Variants in ALCAM observed in about 807,000 individuals in gnomAD.
The protein encoded by ALCAM is activated leukocyte cell adhesion molecule, also known as CD166 antigen.
In ALCAM, 30 loss-of-function variants were observed where a neutral mutation model predicts 70.9. The observed-to-expected ratio is 0.42, with a 90% confidence interval of 0.32 to 0.57. The LOEUF (loss-of-function observed/expected upper bound fraction) is 0.57. Among genes scored for constraint, ALCAM ranks in the 20% least tolerant of loss-of-function variants. The probability of loss-of-function intolerance (pLI) is 0.11; values close to 1 mark genes in which losing one functional copy is unlikely to be tolerated. For synonymous variants in ALCAM, 249 were observed against 242.5 expected, an observed-to-expected ratio of 1.03 and a Z score of -0.25; for missense variants, 591 against 695.1, an observed-to-expected ratio of 0.85 and a Z score of 1.68.
chr3:105,401,505 T>G (rs914700966), intron 1 of ALCAM, among the ~76,000 whole-genome samples: 2 of 152,200 alleles, frequency 1.3e-5, no homozygotes, highest in African/African-American at 4.8e-5. Flanking sequence ...GTTTATTCAT[T>G]CATTCATCCA....
intron 1 of ALCAM, among the ~76,000 whole-genome samples, chr3:105,517,634 T>A (rs996285412): frequency 6.6e-6 from 1 of 152,158 alleles, no homozygotes; most frequent in Non-Finnish European, 1.5e-5. Flanking sequence ...GAAAATGTTC[T>A]CTCTTGTCAT....
At chr3:105,385,231 C>A (rs781741342) in intron 1 of ALCAM, among the ~76,000 whole-genome samples, 3 of 151,292 alleles carry the variant, frequency 2.0e-5, no homozygotes, top group Non-Finnish European at 3.0e-5. Context: ...TATTAACAAG[C>A]CTTATTTTAG....
intron 1 of ALCAM, among the ~76,000 whole-genome samples, chr3:105,437,893 G>C (rs1375035910): frequency 6.6e-6 from 1 of 151,928 alleles, no homozygotes; most frequent in Admixed American, 6.5e-5. Context: ...TTTTATAGTA[G>C]GAAAATGTAT....
intron 1 of ALCAM, among the ~76,000 whole-genome samples, chr3:105,502,496 T>G (rs1938948895): frequency 6.6e-6 from 1 of 151,914 alleles, no homozygotes; most frequent in Non-Finnish European, 1.5e-5. Flanking sequence ...GAAAAGCAAA[T>G]GAATGGTGAA....
Position 105,533,623 on chromosome 3 carries a change from A to G in ALCAM, c.480A>G (p.Glu160=). ...TGCAGTTGGGTGACTGCATTTCAGA[A>G]GACAGTTATCCAGATGGCAATATCA... ...QLKKLGDCIS[E]DSYPDGNITW... The change falls in exon 5 of 16, where the codon GAA becomes GAG. Residue 160 remains glutamate (E), a synonymous_variant. Transcript: ENST00000306107. 1 of 1,611,884 alleles carries G rather than the reference A, an allele frequency of 6.2e-7. No individual in the cohort carries two copies. The highest frequency in any genetic ancestry group is 8.5e-7 in the Non-Finnish European group (1 of 1,178,426).
At chr3:105,401,468 A>C (rs1410568768) in intron 1 of ALCAM, among the ~76,000 whole-genome samples, 1 of 152,178 alleles carries the variant, frequency 6.6e-6, no homozygotes, top group Non-Finnish European at 1.5e-5. Context: ...ATTTTCCACT[A>C]AGCTCATGGT....
intron 1 of ALCAM, among the ~76,000 whole-genome samples, chr3:105,437,101 T>C (rs1195131925): frequency 6.6e-6 from 1 of 152,222 alleles, no homozygotes; most frequent in Non-Finnish European, 1.5e-5. Flanking sequence ...AGTGTATATG[T>C]TGACCTCTGG....
At chr3:105,518,192 C>G (rs1272382324) in intron 1 of ALCAM, among the ~76,000 whole-genome samples, 1 of 151,968 alleles carries the variant, frequency 6.6e-6, no homozygotes, top group Admixed American at 6.6e-5. Flanking sequence ...CACTCCTTGG[C>G]CAATCATGAA....
intron 1 of ALCAM, among the ~76,000 whole-genome samples, chr3:105,497,814 G>A (rs1041132603): frequency 2.6e-5 from 4 of 152,000 alleles, no homozygotes; most frequent in South Asian, 2.1e-4. Flanking sequence ...GGCGGATCAC[G>A]AGGTCGGGAG....
intron 1 of ALCAM, among the ~76,000 whole-genome samples, chr3:105,436,841 A>T (rs1937061469): frequency 6.6e-6 from 1 of 152,156 alleles, no homozygotes; most frequent in Non-Finnish European, 1.5e-5. Context: ...GGGAGGAGTG[A>T]TGATGCAATG....
At chr3:105,386,936 A>C (rs997521453) in intron 1 of ALCAM, among the ~76,000 whole-genome samples, 1 of 151,526 alleles carries the variant, frequency 6.6e-6, no homozygotes, top group Non-Finnish European at 1.5e-5. Context: ...TGAGCAAATT[A>C]CCCAATAAAT....
At chr3:105,432,235 T>C (rs1261550080) in intron 1 of ALCAM, among the ~76,000 whole-genome samples, 1 of 152,188 alleles carries the variant, frequency 6.6e-6, no homozygotes, top group Non-Finnish European at 1.5e-5. Context: ...AATTAAGCTT[T>C]AAGAATTCAT....
At chr3:105,522,425 T>G (rs748099131) in intron 2 of ALCAM, among the ~76,000 whole-genome samples, 3 of 152,184 alleles carry the variant, frequency 2.0e-5, no homozygotes, top group Non-Finnish European at 4.4e-5. Flanking sequence ...ATAGAGCATT[T>G]GCAATGCTCT....
intron 1 of ALCAM, among the ~76,000 whole-genome samples, chr3:105,406,333 T>G (rs1279000498): frequency 6.6e-6 from 1 of 152,156 alleles, no homozygotes; most frequent in Non-Finnish European, 1.5e-5. Flanking sequence ...TGGGTCCTAT[T>G]AAGAATTCCT....
intron 14 of ALCAM, among the ~76,000 whole-genome samples, chr3:105,554,097 G>A (rs1390490948): frequency 1.3e-5 from 2 of 151,888 alleles, no homozygotes; most frequent in African/African-American, 2.4e-5. Context: ...TAGAGGGTGT[G>A]TGTGTGTGTG....
intron 3 of ALCAM, among the ~76,000 whole-genome samples, chr3:105,527,802 T>C (rs1219862392): frequency 6.6e-6 from 1 of 152,098 alleles, no homozygotes; most frequent in Non-Finnish European, 1.5e-5. Context: ...TCAGAGCTTT[T>C]ATTTGGATTC....
chr3:105,554,594 C>A (rs10933822), intron 14 of ALCAM, among the ~76,000 whole-genome samples: 76,976 of 151,742 alleles, frequency 0.51, 21,084 homozygotes, highest in East Asian at 0.72. Context: ...ACTTGGTAAC[C>A]AATATGTTCT....
intron 3 of ALCAM, among the ~76,000 whole-genome samples, chr3:105,527,670 AAGTCT>A (rs1347774331): frequency 6.6e-6 from 1 of 151,954 alleles, no homozygotes; most frequent in Non-Finnish European, 1.5e-5. Context: ...TGCTAATTGC[AAGTCT>A]AGTCTACTCT....
At chr3:105,519,146 A>G (rs556933625) in intron 1 of ALCAM, among the ~76,000 whole-genome samples, 1 of 152,246 alleles carries the variant, frequency 6.6e-6, no homozygotes, top group Non-Finnish European at 1.5e-5. Context: ...AATTTTAAAG[A>G]TTGTTGTAAA....
Sources: allele counts gnomAD v4.1 joint callset (sites outside exome capture counted in the v4.1 genomes callset), GRCh38; gene constraint gnomAD v4.1.1; transcripts MANE v1.5; gene names NCBI Gene and HGNC (gene_info 2026-07-23, HGNC 2026-07-21).